DIS3L2: variants seen among roughly 807,000 people sequenced by gnomAD.
DIS3L2 encodes the protein DIS3 like 3'-5' exoribonuclease 2.
DIS3L2 carries 34 observed loss-of-function variants against 97.5 expected under a neutral mutation model. The ratio of observed to expected loss-of-function variants is 0.35; its 90% CI spans 0.27 to 0.46. The LOEUF (loss-of-function observed/expected upper bound fraction) is 0.46, where lower values mean the gene tolerates loss of function less well. Among genes scored for constraint, DIS3L2 ranks in the 20% least tolerant of loss-of-function variants. The pLI, the probability that DIS3L2 is intolerant of heterozygous loss-of-function variation, is 1.00. For synonymous variants in DIS3L2, 435 were observed against 445.2 expected (o/e 0.98, Z 0.29); for missense variants, 1,038 against 1,146.0 (o/e 0.91, Z 1.36).
chr2:232,310,456 C>A (rs555800183), intron 14 of DIS3L2, among the ~76,000 whole-genome samples: 1 of 152,152 alleles, frequency 6.6e-6, no homozygotes, highest in African/African-American at 2.4e-5. Flanking sequence ...TAGTGTTCAG[C>A]GAAGGGAGTG....
chr2:232,273,556 A>T (rs1329564904), intron 13 of DIS3L2, among the ~76,000 whole-genome samples: 2 of 152,206 alleles, frequency 1.3e-5, no homozygotes, highest in Admixed American at 1.3e-4. Flanking sequence ...TTGCTGGGGC[A>T]TCCAGGGTTT....
At chr2:232,176,749 C>T (rs1344901253) in intron 9 of DIS3L2, among the ~76,000 whole-genome samples, 7 of 46,956 alleles carry the variant, frequency 1.5e-4, no homozygotes, top group Non-Finnish European at 2.3e-4. Context: ...CCACCATGCC[C>T]GGCTATTTTT....
intron 13 of DIS3L2, among the ~76,000 whole-genome samples, chr2:232,265,940 T>C (rs1441063117): frequency 1.3e-5 from 2 of 152,248 alleles, no homozygotes; most frequent in Non-Finnish European, 2.9e-5. Context: ...TGAATGAATA[T>C]ACATCTATAT....
chr2:232,343,149 C>T (rs890043985), intron 13 of DIS3L2: 4 of 606,610 alleles, frequency 6.6e-6, no homozygotes, highest in African/African-American at 5.6e-5. Flanking sequence ...CAACCTGGCT[C>T]ATCATCAAAG....
intron 9 of DIS3L2, among the ~76,000 whole-genome samples, chr2:232,183,448 C>T (rs1691348010): frequency 6.6e-6 from 1 of 152,232 alleles, no homozygotes; most frequent in Admixed American, 6.5e-5. Context: ...CTTAGGCATG[C>T]ACTTTACAAC....
At chr2:232,147,342 C>T (rs935509136) in intron 8 of DIS3L2, among the ~76,000 whole-genome samples, 3 of 152,126 alleles carry the variant, frequency 2.0e-5, no homozygotes, top group Admixed American at 6.5e-5. Flanking sequence ...ACAGTTCTCA[C>T]CTGCCCCTTC....
intron 8 of DIS3L2, among the ~76,000 whole-genome samples, chr2:232,137,284 G>C (rs1465929293): frequency 1.3e-5 from 2 of 152,208 alleles, no homozygotes; most frequent in Admixed American, 1.3e-4. Context: ...TAGTCCAGGA[G>C]CATCATGGAT....
At chr2:232,024,068 A>G (rs534366270) in intron 3 of DIS3L2, among the ~76,000 whole-genome samples, 66 of 152,276 alleles carry the variant, frequency 4.3e-4, no homozygotes, top group African/African-American at 1.5e-3. Context: ...CCAAGGTGCC[A>G]GTCTAAGCTT....
chr2:231,970,433 C>T (rs1224234818), intron 1 of DIS3L2, among the ~76,000 whole-genome samples: 1 of 152,168 alleles, frequency 6.6e-6, no homozygotes, highest in Non-Finnish European at 1.5e-5. Flanking sequence ...TATGGTAAAG[C>T]CTGTGGCGCT....
chr2:232,032,685 G>C (rs1439114015), intron 5 of DIS3L2, among the ~76,000 whole-genome samples: 1 of 151,176 alleles, frequency 6.6e-6, no homozygotes. Context: ...TGTATAAGGG[G>C]TCCAGTTTTA....
chr2:232,189,294 A>G (rs1691544060), intron 9 of DIS3L2, among the ~76,000 whole-genome samples: 9 of 152,232 alleles, frequency 5.9e-5, no homozygotes, highest in Admixed American at 5.9e-4. Context: ...GCAGTTTTAC[A>G]TAGAATAGCC....
intron 9 of DIS3L2, 37 bp downstream of exon 9, chr2:232,163,669 C>T: frequency 6.3e-7 from 1 of 1,592,388 alleles, no homozygotes; most frequent in Non-Finnish European, 8.5e-7. Context: ...GTATATCTCC[C>T]TTTCTGCCTT....
chr2:232,193,977 G>A (rs1293257833), intron 9 of DIS3L2, among the ~76,000 whole-genome samples: 2 of 152,114 alleles, frequency 1.3e-5, no homozygotes, highest in Non-Finnish European at 2.9e-5. Context: ...GGGCGTGGTG[G>A]TGCTCGCCTG....
intron 9 of DIS3L2, among the ~76,000 whole-genome samples, chr2:232,197,639 C>G (rs191966449): frequency 1.6e-4 from 24 of 152,092 alleles, no homozygotes; most frequent in Admixed American, 2.6e-4. Context: ...TTACTTTTGC[C>G]AAAATACATC....
At chr2:232,189,210 T>C (rs1205751003) in intron 9 of DIS3L2, among the ~76,000 whole-genome samples, 1 of 152,116 alleles carries the variant, frequency 6.6e-6, no homozygotes, top group Admixed American at 6.6e-5. Context: ...AACCCGGTAA[T>C]TGCACTCCTG....
intron 6 of DIS3L2, among the ~76,000 whole-genome samples, chr2:232,113,833 C>T (rs1428685289): frequency 6.6e-6 from 1 of 152,184 alleles, no homozygotes; most frequent in Non-Finnish European, 1.5e-5. Context: ...ACTAGATTGC[C>T]TTTGTAGGAC....
chr2:232,329,787 C>CCCGGGGCCG, intron 14 of DIS3L2, 26 bp from the exon 15 acceptor site: 1 of 1,062,210 alleles, frequency 9.4e-7, no homozygotes, highest in Non-Finnish European at 1.3e-6. Context: ...CCCAGCGGTC[C>CCCGGGGCCG]CTCCCATCCC....
At chr2:232,166,724 C>A (rs997276381) in intron 9 of DIS3L2, among the ~76,000 whole-genome samples, 7 of 151,768 alleles carry the variant, frequency 4.6e-5, no homozygotes, top group East Asian at 1.9e-4. Flanking sequence ...ACAACAACAA[C>A]AAAAAATTAC....
At chr2:232,069,662 G>A (rs1487112075) in intron 5 of DIS3L2, among the ~76,000 whole-genome samples, 3 of 152,136 alleles carry the variant, frequency 2.0e-5, no homozygotes, top group African/African-American at 7.2e-5. Flanking sequence ...AGAGCTTATC[G>A]GGTTTTGTTT....
Sources: gnomAD v4.1 joint callset for allele counts (sites outside exome capture counted in the v4.1 genomes callset) on GRCh38, gnomAD v4.1.1 for gene constraint, MANE v1.5 for transcripts, NCBI Gene and HGNC (gene_info 2026-07-23, HGNC 2026-07-21) for gene names.